The following ADAM19 variants were observed in gnomAD, a reference collection of about 807,000 sequenced individuals.
The protein encoded by ADAM19 is disintegrin and metalloproteinase domain-containing protein 19.
In ADAM19, 65 loss-of-function variants were observed where a neutral mutation model predicts 114.7. That is an observed-to-expected ratio of 0.57 (90% CI 0.46 to 0.70). ADAM19 has a LOEUF of 0.70. Ranked by LOEUF, ADAM19 falls within the 30% of genes least tolerant of loss-of-function variation. The pLI, the probability that ADAM19 is intolerant of heterozygous loss-of-function variation, is 0.00. For missense variants in ADAM19, 1,063 were observed against 1,204.7 expected, an observed-to-expected ratio of 0.88 and a Z score of 1.74; for synonymous variants, 466 against 460.5, an observed-to-expected ratio of 1.01 and a Z score of -0.15.
chr5:157,501,439 C>T (rs1755559480), intron 12 of ADAM19, among the ~76,000 whole-genome samples: 1 of 152,172 alleles, frequency 6.6e-6, no homozygotes, highest in African/African-American at 2.4e-5. Context: ...TGTGTTTCTC[C>T]CACTAGACTA....
intron 13 of ADAM19, among the ~76,000 whole-genome samples, chr5:157,499,012 T>G (rs1755462491): frequency 6.6e-6 from 1 of 152,146 alleles, no homozygotes; most frequent in Non-Finnish European, 1.5e-5. Context: ...AACAGACAAT[T>G]TATCTCTCAC....
chr5:157,477,572 T>C lies in ADAM19; in HGVS notation c.*3377A>G. On this transcript the variant is annotated 3_prime_UTR_variant, in exon 23 of 23. Coordinates refer to ENST00000257527, the MANE Select transcript of ADAM19 (RefSeq NM_033274.5). ...ACTTTGGAAATGTGGGCTTGGATTC[T>C]ACAGAACCTCTCCTTCGCAGGCTCC... is the stretch of plus-strand genomic sequence containing the variant. The C allele has an allele frequency of 1.6e-6, 2 of 1,236,986 alleles. No homozygotes were observed. The highest frequency in any genetic ancestry group is 2.1e-6 in the Non-Finnish European group (2 of 961,452). 76.6% of individuals were successfully genotyped at this position (1,236,986 alleles called of 1,614,324 possible). A position where few individuals can be genotyped will look rare whatever the true frequency, so the allele number is the denominator to read the frequency against.
intron 21 of ADAM19, among the ~76,000 whole-genome samples, chr5:157,484,033 C>T (rs1220158247): frequency 6.6e-6 from 1 of 150,758 alleles, no homozygotes; most frequent in African/African-American, 2.4e-5. Flanking sequence ...ATATTTTGTT[C>T]ATGTTGGTTG....
chr5:157,542,211 A>C (rs1419483241), intron 3 of ADAM19, among the ~76,000 whole-genome samples: 2 of 151,272 alleles, frequency 1.3e-5, no homozygotes, highest in Non-Finnish European at 2.9e-5. Flanking sequence ...AAAATACACA[A>C]TCCCCTCCCT....
intron 3 of ADAM19, among the ~76,000 whole-genome samples, chr5:157,545,830 G>A (rs1757033992): frequency 6.6e-6 from 1 of 152,226 alleles, no homozygotes; most frequent in Admixed American, 6.5e-5. Context: ...GCAATCTCAT[G>A]AATAACTGCA....
At chr5:157,555,072 G>C (rs1757329334) in intron 3 of ADAM19, among the ~76,000 whole-genome samples, 1 of 152,204 alleles carries the variant, frequency 6.6e-6, no homozygotes, top group Admixed American at 6.5e-5. Context: ...CTATGCATCT[G>C]AGAGGCAATA....
intron 3 of ADAM19, among the ~76,000 whole-genome samples, chr5:157,540,301 C>A (rs1756883026): frequency 1.3e-5 from 2 of 152,222 alleles, no homozygotes; most frequent in Admixed American, 1.3e-4. Flanking sequence ...ATTCCTGCAG[C>A]CCATTTCCTG....
Position 157,497,129 on chromosome 5 carries a change from C to A in ADAM19, c.1399-40G>T, listed in dbSNP as rs766048762. 11 of 1,450,858 alleles carry A rather than the reference C, an allele frequency of 7.6e-6. No homozygotes were observed. In the Admixed American group the frequency reaches 1.4e-4, roughly 19 times the overall value. The allele number at this position is 1,450,858 out of a possible 1,614,324, so 89.9% of individuals were successfully genotyped here. ...GAGAGGAAAACACAGTCAATCTCCTCCCCACCCTCAACCCTGTTGCCCAAG... is the reference window on the plus strand; with the variant it reads ...GAGAGGAAAACACAGTCAATCTCCTACCCACCCTCAACCCTGTTGCCCAAG... On this transcript the variant is annotated intron_variant, in intron 13 of 22. Coordinates refer to ENST00000257527, the MANE Select transcript of ADAM19 (RefSeq NM_033274.5).
chr5:157,485,542 T>C (rs1754906030), intron 21 of ADAM19, among the ~76,000 whole-genome samples: 1 of 152,224 alleles, frequency 6.6e-6, no homozygotes, highest in Non-Finnish European at 1.5e-5. Flanking sequence ...CCTCTTCCTA[T>C]GGAATACAGA....
intron 4 of ADAM19, among the ~76,000 whole-genome samples, chr5:157,534,751 C>A (rs1209528645): frequency 6.6e-6 from 1 of 152,132 alleles, no homozygotes; most frequent in Admixed American, 6.5e-5. Flanking sequence ...TCTTATGAGG[C>A]AGATATTATT....
intron 3 of ADAM19, among the ~76,000 whole-genome samples, chr5:157,543,546 G>T (rs767413234): frequency 1.3e-5 from 2 of 152,092 alleles, no homozygotes; most frequent in Non-Finnish European, 2.9e-5. Flanking sequence ...AAATGTGAAA[G>T]AATTATTTGT....
chr5:157,570,375 T>C (rs1337239986), intron 2 of ADAM19: 1 of 152,494 alleles, frequency 6.6e-6, no homozygotes, highest in Non-Finnish European at 1.5e-5. Context: ...TGTTTTTTGT[T>C]TTCTTCCCAA....
chr5:157,553,035 A>T (rs1489359166), intron 3 of ADAM19, among the ~76,000 whole-genome samples: 4 of 152,230 alleles, frequency 2.6e-5, no homozygotes, highest in African/African-American at 9.6e-5. Flanking sequence ...TGGTTACCAG[A>T]GGCTGGGAAG....
chr5:157,491,710 T>C lies in ADAM19; in HGVS notation c.2000A>G (p.Asn667Ser). The C allele has an allele frequency of 6.3e-7, 1 of 1,591,728 alleles. No homozygotes were observed. Among genetic ancestry groups the C allele is most frequent in the Non-Finnish European group, 8.6e-7 (1 of 1,167,584 alleles). ...KCNGHGVCNN[N>S]QNCHCLPGWA... ...GCCCGGCAGGCAGTGGCAGTTCTGG[T>C]TGTTGTTACAGACCTGGAGCAAAGA... is the stretch of plus-strand genomic sequence containing the variant. The change falls in exon 18 of 23, where the codon AAC (asparagine) becomes AGC (serine). Residue 667 changes from asparagine (N) to serine (S), a missense_variant. Asn to Ser is a conservative substitution (Grantham distance 46). Around this residue, in one of 3 missense-constraint regions of ADAM19, gnomAD observed 424 missense variants for 445.5 expected, o/e 0.95. Coordinates refer to ENST00000257527, the MANE Select transcript of ADAM19 (RefSeq NM_033274.5).
intron 12 of ADAM19, 23 bp from the exon 13 acceptor site, chr5:157,499,685 G>T: frequency 1.3e-6 from 2 of 1,546,572 alleles, no homozygotes; most frequent in South Asian, 1.2e-5. Context: ...TGGGGTGGGT[G>T]TGAGTGGGGG....
chr5:157,506,088 T>C (rs1221143608), intron 10 of ADAM19, among the ~76,000 whole-genome samples: 2 of 152,120 alleles, frequency 1.3e-5, no homozygotes, highest in Admixed American at 6.6e-5. Context: ...TCAGAATAAA[T>C]AAAAGAGGAA....
rs570242647 is a variant in ADAM19, at chr5:157,499,119, C to T, written c.1398+454G>A. Among the ~76,000 whole-genome samples the T allele has an allele frequency of 7.9e-5, 12 of 152,258 alleles. No individual in the cohort carries two copies. In the East Asian group the frequency reaches 2.3e-3, roughly 29 times the overall value. On this transcript the variant is annotated intron_variant, in intron 13 of 22. Coordinates refer to ENST00000257527, the MANE Select transcript of ADAM19 (RefSeq NM_033274.5). ...AGATAAACCTCTTATCCCCTATAAG[C>T]TCTAGTTTCCACATCTTAAAATAAG...
chr5:157,536,442 A>G (rs1317751346), intron 4 of ADAM19, among the ~76,000 whole-genome samples: 1 of 152,196 alleles, frequency 6.6e-6, no homozygotes, highest in African/African-American at 2.4e-5. Context: ...AGCTTGGCCA[A>G]CATGGTGAAA....
chr5:157,556,215 T>C lies in ADAM19; in HGVS notation c.251+8158A>G, dbSNP rs6556081. On this transcript the variant is annotated intron_variant, in intron 3 of 22. Transcript: ENST00000257527. ...CCTGTTTTTTTTTCTTTTTCTTTTT[T>C]TTTTTTTTTTTTTTTTTTTTTGAGA... is the stretch of plus-strand genomic sequence containing the variant. Among the ~76,000 whole-genome samples the C allele has an allele frequency of 8.4e-3, 825 of 98,328 alleles. 8 individuals are homozygous for C. Among genetic ancestry groups the C allele is most frequent in the African/African-American group, 0.027 (619 of 23,082 alleles). The allele number at this position is 98,328 out of a possible 152,430, so 64.5% of individuals were successfully genotyped here. A position where few individuals can be genotyped will look rare whatever the true frequency, so the allele number is the denominator to read the frequency against.
Sources: gnomAD v4.1 joint callset for allele counts (sites outside exome capture counted in the v4.1 genomes callset) on GRCh38, gnomAD v4.1.1 for gene constraint, gnomAD v4.1.1 regional missense constraint, MANE v1.5 for transcripts, NCBI Gene and HGNC (gene_info 2026-07-23, HGNC 2026-07-21) for gene names.